The following GLT8D2 variants were observed in gnomAD, a reference collection of about 807,000 sequenced individuals.
GLT8D2 encodes glycosyltransferase 8 domain-containing protein 2.
A neutral mutation model predicts 44.5 loss-of-function variants in GLT8D2; 45 were observed. That is an observed-to-expected ratio of 1.01 (90% confidence interval 0.80 to 1.30). The LOEUF (loss-of-function observed/expected upper bound fraction) is 1.30, where lower values mean the gene tolerates loss of function less well. Ranked by LOEUF, GLT8D2 falls within the 50% of genes most tolerant of loss-of-function variation. The pLI, the probability that GLT8D2 is intolerant of heterozygous loss-of-function variation, is 0.00. For synonymous variants in GLT8D2, 156 were observed against 157.2 expected (o/e 0.99, Z 0.06); for missense variants, 400 against 430.4 (o/e 0.93, Z 0.62).
At chr12:104,034,475 A>AC (rs1236042036) in intron 1 of GLT8D2, among the ~76,000 whole-genome samples, 1 of 152,258 alleles carries the variant, frequency 6.6e-6, no homozygotes, top group Non-Finnish European at 1.5e-5. Context: ...CAAACAGCAC[A>AC]CCAGGAGATT....
intron 4 of GLT8D2, among the ~76,000 whole-genome samples, chr12:104,003,928 C>T (rs906160661): frequency 2.6e-5 from 4 of 152,074 alleles, no homozygotes; most frequent in Admixed American, 6.6e-5. Flanking sequence ...TGATGAAACT[C>T]TTTCTGCTTC....
In GLT8D2 at chr12:103,994,497, G is replaced by A. The variant is rs754516562; in HGVS notation, c.605C>T (p.Thr202Ile). The change falls in exon 9 of 11, where the codon ACA becomes ATA. Residue 202 changes from threonine (T) to isoleucine (I), a missense_variant. Physicochemically the swap from Thr to Ile is moderately conservative, Grantham distance 89. Transcript: ENST00000360814. ...DINRLVGLQN[T>I]YMGYLDYRKK... is the part of the protein sequence containing the mutation. ...CCGGTAGTCCAGATAGCCCATATAT[G>A]TGTTCTGTAAGGGAACAGGATGTGC... 26 of 1,609,994 alleles carry A rather than the reference G, an allele frequency of 1.6e-5. No individual in the cohort carries two copies. In the African/African-American group the frequency reaches 2.8e-4, roughly 17 times the overall value.
rs1369466143 is a variant in GLT8D2, at chr12:104,016,758, AGAAAGAAAGAAAGAAAGAAG to A, written c.20-1673_20-1654del. Among the ~76,000 whole-genome samples, 964 of 99,386 alleles carry A rather than the reference AGAAAGAAAGAAAGAAAGAAG, an allele frequency of 9.7e-3. 10 individuals carry two copies. The highest frequency in any genetic ancestry group is 0.03 in the Middle Eastern group (6 of 200). 65.2% of individuals were successfully genotyped at this position (99,386 alleles called of 152,430 possible). ...AAGAAAGAAAGAAAGAAAGAAAGAA[AGAAAGAAAGAAAGAAAGAAG>A]GAAGGAAGGAAGGAAGGAAGGAAGG... is the stretch of plus-strand genomic sequence containing the variant. On this transcript the variant is annotated intron_variant, in intron 3 of 10. Transcript: ENST00000360814.
chr12:104,016,747 GA>G (rs1593544950), intron 3 of GLT8D2, among the ~76,000 whole-genome samples: 12 of 100,542 alleles, frequency 1.2e-4, no homozygotes, highest in African/African-American at 2.2e-4. Flanking sequence ...AAGAAAGAAA[GA>G]AAGAAAGAAA....
chr12:104,005,113 C>G (rs903651253), intron 4 of GLT8D2, among the ~76,000 whole-genome samples: 2 of 152,026 alleles, frequency 1.3e-5, no homozygotes, highest in East Asian at 3.8e-4. Flanking sequence ...ACAAACCTGA[C>G]AAAAACAAGA....
intron 1 of GLT8D2, among the ~76,000 whole-genome samples, chr12:104,048,292 G>A (rs1259212308): frequency 3.3e-5 from 5 of 152,194 alleles, no homozygotes; most frequent in East Asian, 3.8e-4. Flanking sequence ...GTGGTTCAGC[G>A]ATCAACTGTT....
chr12:103,996,413 T>C (rs1808442239), intron 8 of GLT8D2, among the ~76,000 whole-genome samples: 1 of 152,226 alleles, frequency 6.6e-6, no homozygotes, highest in Non-Finnish European at 1.5e-5. Flanking sequence ...CTGGAGCTTT[T>C]ATTTCATGCT....
chr12:104,014,646 G>C (rs1363742594), intron 4 of GLT8D2, among the ~76,000 whole-genome samples: 1 of 152,204 alleles, frequency 6.6e-6, no homozygotes, highest in East Asian at 1.9e-4. Flanking sequence ...AAGAGATGGA[G>C]TGTGGAGCAG....
chr12:104,034,951 A>G (rs1225984406), intron 1 of GLT8D2, among the ~76,000 whole-genome samples: 1 of 152,166 alleles, frequency 6.6e-6, no homozygotes, highest in Non-Finnish European at 1.5e-5. Context: ...CAGAGGAAGG[A>G]TCAGGCAGCA....
intron 4 of GLT8D2, among the ~76,000 whole-genome samples, chr12:104,009,720 A>G (rs1053117824): frequency 6.6e-6 from 1 of 152,164 alleles, no homozygotes; most frequent in Non-Finnish European, 1.5e-5. Flanking sequence ...ATGTTGTGGG[A>G]GGGACCCAGT....
chr12:104,004,128 C>A (rs1163685096), intron 4 of GLT8D2, among the ~76,000 whole-genome samples: 4 of 152,084 alleles, frequency 2.6e-5, no homozygotes, highest in Non-Finnish European at 4.4e-5. Flanking sequence ...AAGACAAAAA[C>A]CCCATGATTA....
In GLT8D2 at chr12:103,989,228, T is replaced by G. The variant is rs1566187016; in HGVS notation, c.*180A>C. On this transcript the variant is annotated 3_prime_UTR_variant, in exon 11 of 11. Coordinates refer to ENST00000360814, the MANE Select transcript of GLT8D2 (RefSeq NM_001384711.1). ...TGATTTCCATAGTTATCACATGTACTTAAAGAAGTTAATCAATGCCTATAT... is the reference window on the plus strand; with the variant it reads ...TGATTTCCATAGTTATCACATGTACGTAAAGAAGTTAATCAATGCCTATAT... 6.6e-6 allele frequency: 3 copies of G among 455,476 alleles called. No individual in the cohort carries two copies. The highest frequency in any genetic ancestry group is 1.1e-4 in the South Asian group (2 of 17,728). 28.2% of individuals were successfully genotyped at this position (455,476 alleles called of 1,614,324 possible).
chr12:104,020,936 T>C (rs1319515766), intron 2 of GLT8D2, among the ~76,000 whole-genome samples: 1 of 152,066 alleles, frequency 6.6e-6, no homozygotes, highest in Non-Finnish European at 1.5e-5. Flanking sequence ...GAAGAGGAGT[T>C]TGGATTTTAT....
chr12:104,012,457 A>G (rs2136333270), intron 4 of GLT8D2: 1 of 201,960 alleles, frequency 5.0e-6, no homozygotes, highest in Non-Finnish European at 9.9e-6. Flanking sequence ...GGCAGTCAGG[A>G]TGTGCATTTC....
chr12:104,001,966 G>A (rs548016828), intron 5 of GLT8D2, among the ~76,000 whole-genome samples: 34 of 152,116 alleles, frequency 2.2e-4, no homozygotes, highest in Admixed American at 1.0e-3. Flanking sequence ...TAGCCACTGC[G>A]CCCAGCCTTA....
At chr12:104,052,942 G>C (rs1881847819), upstream of GLT8D2, among the ~76,000 whole-genome samples, 1 of 152,118 alleles carries the variant, frequency 6.6e-6, no homozygotes, top group Admixed American at 6.6e-5. Context: ...TTAGCTAAAT[G>C]TTTTTAGCTA....
intron 1 of GLT8D2, chr12:104,030,925 CTA>C: frequency 6.6e-7 from 1 of 1,506,294 alleles, no homozygotes; most frequent in South Asian, 1.1e-5. Context: ...GAGATGCTGG[CTA>C]TGAGTTTGAC....
chr12:104,009,985 C>T (rs564119307), intron 4 of GLT8D2, among the ~76,000 whole-genome samples: 9 of 150,806 alleles, frequency 6.0e-5, no homozygotes, highest in Non-Finnish European at 8.8e-5. Flanking sequence ...AGCATGAAAA[C>T]GGACTAATAC....
At chr12:104,015,525 C>T (rs1876468582) in intron 3 of GLT8D2, among the ~76,000 whole-genome samples, 1 of 151,184 alleles carries the variant, frequency 6.6e-6, no homozygotes, top group Non-Finnish European at 1.5e-5. Context: ...GAGGTGGAGG[C>T]TGCAGTGAGC....
Sources: allele counts gnomAD v4.1 joint callset (sites outside exome capture counted in the v4.1 genomes callset), GRCh38; gene constraint gnomAD v4.1.1; transcripts MANE v1.5; gene names NCBI Gene and HGNC (gene_info 2026-07-23, HGNC 2026-07-21).